Variants in CRTC3 observed in about 807,000 individuals in gnomAD.
CRTC3 encodes the protein CREB-regulated transcription coactivator 3.
A neutral mutation model predicts 74.5 loss-of-function variants in CRTC3; 26 were observed. That is an observed-to-expected ratio of 0.35 (90% CI 0.26 to 0.48). CRTC3 has a LOEUF of 0.48. CRTC3 is among the 20% of genes least tolerant of loss of function. The probability of loss-of-function intolerance (pLI) is 0.99; values close to 1 mark genes in which losing one functional copy is unlikely to be tolerated. For synonymous variants in CRTC3, 377 were observed against 325.8 expected (o/e 1.16, Z -1.69); for missense variants, 760 against 787.3 (o/e 0.97, Z 0.41).
intron 3 of CRTC3, among the ~76,000 whole-genome samples, chr15:90,601,632 C>CA (rs1291783235): frequency 1.3e-5 from 2 of 150,696 alleles, no homozygotes; most frequent in South Asian, 2.1e-4. Flanking sequence ...CAGCCTGGGC[C>CA]AAAAAAAAGA....
rs142566966 is a variant in CRTC3, at chr15:90,594,019, A to C, written c.351+264A>C. The C allele has an allele frequency of 3.4e-3, 965 of 287,370 alleles. 10 individuals carry two copies. The highest frequency in any genetic ancestry group is 0.017 in the South Asian group (178 of 10,484). 17.8% of individuals were successfully genotyped at this position (287,370 alleles called of 1,614,324 possible). A position where few individuals can be genotyped will look rare whatever the true frequency, so the allele number is the denominator to read the frequency against. On this transcript the variant is annotated intron_variant, in intron 3 of 14. Transcript: ENST00000268184. Reference sequence around the variant, plus strand: ...ACAACCTGTAATTCGGTCCCATTGCAGGGTGTTCTGAGCATTTTCTCCAGA... The same window carrying C: ...ACAACCTGTAATTCGGTCCCATTGCCGGGTGTTCTGAGCATTTTCTCCAGA...
At chr15:90,557,634 G>GGCT (rs1567165184) in intron 2 of CRTC3, among the ~76,000 whole-genome samples, 5 of 152,146 alleles carry the variant, frequency 3.3e-5, no homozygotes, top group Admixed American at 2.0e-4. Flanking sequence ...GTGGAGTACA[G>GGCT]ACAGAGCCGG....
chr15:90,599,017 T>C (rs944760540), intron 3 of CRTC3: 1 of 157,654 alleles, frequency 6.3e-6, no homozygotes, highest in African/African-American at 2.4e-5. Flanking sequence ...TGCAGGCAGG[T>C]GTGGCCTGAG....
intron 3 of CRTC3, among the ~76,000 whole-genome samples, chr15:90,599,755 C>T (rs945592689): frequency 2.0e-5 from 3 of 152,178 alleles, no homozygotes; most frequent in Non-Finnish European, 4.4e-5. Flanking sequence ...AAATCACCAG[C>T]GTTTGATGAT....
Position 90,605,194 on chromosome 15 carries a change from C to CA in CRTC3, c.476+748dup, listed in dbSNP as rs556232583. ...CCTAAGCCCAAGGAGGTTGAGGCTG[C>CA]AGTGAGCCATGTTTGCGCCATTGCA... On this transcript the variant is annotated intron_variant, in intron 5 of 14. Coordinates refer to ENST00000268184, the MANE Select transcript of CRTC3 (RefSeq NM_022769.5). Among the ~76,000 whole-genome samples, 30 of 152,072 alleles carry CA rather than the reference C, an allele frequency of 2.0e-4. 1 individual carries two copies. The South Asian group carries it at 6.0e-3, about 31-fold the overall frequency.
Position 90,644,525 on chromosome 15 carries a change from T to C in CRTC3, c.*2385T>C, listed in dbSNP as rs1302583851. 1.3e-5 allele frequency: 3 copies of C among 232,604 alleles called. No homozygotes were observed. Among genetic ancestry groups the C allele is most frequent in the Non-Finnish European group, 2.5e-5 (3 of 117,752 alleles). 14.4% of individuals were successfully genotyped at this position (232,604 alleles called of 1,614,324 possible). A position where few individuals can be genotyped will look rare whatever the true frequency, so the allele number is the denominator to read the frequency against. ...GTGAACCCTACTGCCCCAAAGGCGT[T>C]CTCCAGGTGACTTGTGAAAACAGAC... On this transcript the variant is annotated 3_prime_UTR_variant, in exon 15 of 15. Transcript: ENST00000268184.
At position 90,547,154 on chromosome 15, in the gene CRTC3, G is replaced by A. The variant is rs550190262; in HGVS notation, c.231+7017G>A. On this transcript the variant is annotated intron_variant, in intron 2 of 14. Transcript: ENST00000268184. ...TGTATATATTTATGGTATACGATAC[G>A]ATATTTTCATAAATGTATACCTTGT... is the stretch of plus-strand genomic sequence containing the variant. 1.8e-4 allele frequency among the ~76,000 whole-genome samples: 28 copies of A among 152,072 alleles called. No homozygotes were observed. The East Asian group carries it at 3.5e-3, about 19-fold the overall frequency.
At chr15:90,548,051 G>A (rs765152222) in intron 2 of CRTC3, among the ~76,000 whole-genome samples, 13 of 151,760 alleles carry the variant, frequency 8.6e-5, no homozygotes, top group Non-Finnish European at 1.3e-4. Flanking sequence ...CACCACACCC[G>A]GCCAGTTTTT....
chr15:90,585,977 T>G (rs1182053112), intron 2 of CRTC3, among the ~76,000 whole-genome samples: 1 of 152,190 alleles, frequency 6.6e-6, no homozygotes, highest in Non-Finnish European at 1.5e-5. Context: ...AAATGACCCC[T>G]GGCTCAAGCT....
Position 90,642,220 on chromosome 15 carries a change from C to G in CRTC3, c.*80C>G. On this transcript the variant is annotated 3_prime_UTR_variant, in exon 15 of 15. Coordinates refer to ENST00000268184, the MANE Select transcript of CRTC3 (RefSeq NM_022769.5). ...AATAGAATGAAGCCAGCTGATACCA[C>G]GGGCTTTCGTTATCTTGACATAGAA... is the stretch of plus-strand genomic sequence containing the variant. 5.7e-6 allele frequency: 7 copies of G among 1,231,784 alleles called. No homozygotes were observed. In the South Asian group the frequency reaches 7.8e-5, roughly 14 times the overall value. The allele number at this position is 1,231,784 out of a possible 1,614,324, so 76.3% of individuals were successfully genotyped here.
At chr15:90,597,711 C>T (rs963363785) in intron 3 of CRTC3, 5 of 152,182 alleles carry the variant, frequency 3.3e-5, no homozygotes, top group African/African-American at 9.7e-5. Flanking sequence ...CCAACTGTTA[C>T]CTAACACCCG....
chr15:90,638,407 G>A (rs375093671), intron 11 of CRTC3, 39 bp from the exon 12 acceptor site: 53 of 1,571,306 alleles, frequency 3.4e-5, no homozygotes, highest in Admixed American at 1.3e-4. Flanking sequence ...CGCCAGAAAC[G>A]CAGAAGCTCA....
rs1555447332 is a variant in CRTC3, at chr15:90,556,987, T to TAC, written c.231+16851_231+16852insCA. 4.8e-5 allele frequency among the ~76,000 whole-genome samples: 7 copies of TAC among 144,404 alleles called. No individual in the cohort carries two copies. In the South Asian group the frequency reaches 6.8e-4, roughly 14 times the overall value. The allele number at this position is 144,404 out of a possible 152,430, so 94.7% of individuals were successfully genotyped here. ...ATATATATATATATATATATATATA[T>TAC]ATATATATATATCTTTATAATACAA... is the stretch of plus-strand genomic sequence containing the variant. On this transcript the variant is annotated intron_variant, in intron 2 of 14. Transcript: ENST00000268184.
At chr15:90,613,435 G>A (rs763235622) in intron 6 of CRTC3, among the ~76,000 whole-genome samples, 1 of 152,096 alleles carries the variant, frequency 6.6e-6, no homozygotes, top group African/African-American at 2.4e-5. Flanking sequence ...TCTTCCTGTT[G>A]CCCCTGGGCT....
At chr15:90,545,479 T>A (rs12440311) in intron 2 of CRTC3, among the ~76,000 whole-genome samples, 2,893 of 149,872 alleles carry the variant, frequency 0.019, 64 homozygotes, top group East Asian at 0.076. Context: ...AGCTCACTGC[T>A]GCCTCCGCCT....
intron 3 of CRTC3, chr15:90,599,157 C>T (rs1302006957): frequency 3.3e-5 from 5 of 151,940 alleles, no homozygotes; most frequent in African/African-American, 9.7e-5. Context: ...TTTTTGTTTC[C>T]ATCCATTGCA....
chr15:90,629,676 A>G, intron 11 of CRTC3, 144 bp downstream of exon 11: 2 of 704,216 alleles, frequency 2.8e-6, no homozygotes, highest in Non-Finnish European at 2.4e-6. Context: ...GTTCGCTCTT[A>G]TATGTGAAAT....
At chr15:90,563,882 G>A (rs368193950) in intron 2 of CRTC3, among the ~76,000 whole-genome samples, 39 of 151,866 alleles carry the variant, frequency 2.6e-4, no homozygotes, top group African/African-American at 8.2e-4. Context: ...CTTTCTTCCC[G>A]CCTTCCTTCC....
Position 90,644,848 on chromosome 15 carries a change from CA to C in CRTC3, c.*2710del. On this transcript the variant is annotated 3_prime_UTR_variant, in exon 15 of 15. Transcript: ENST00000268184. ...TATTTTTCATTATTTAGTTTTGTCA[CA>C]AGAAATCGACCATTGTACTACTCTC... 1 of 232,352 alleles carries C rather than the reference CA, an allele frequency of 4.3e-6. No homozygotes were observed. Among genetic ancestry groups the C allele is most frequent in the Non-Finnish European group, 8.5e-6 (1 of 117,466 alleles). 14.4% of individuals were successfully genotyped at this position (232,352 alleles called of 1,614,324 possible).
Sources: allele counts gnomAD v4.1 joint callset (sites outside exome capture counted in the v4.1 genomes callset), GRCh38; gene constraint gnomAD v4.1.1; transcripts MANE v1.5; gene names NCBI Gene and HGNC (gene_info 2026-07-23, HGNC 2026-07-21).